Variants in GRM1 observed in about 807,000 individuals in gnomAD.
The protein encoded by GRM1 is metabotropic glutamate receptor 1.
GRM1 carries 33 observed loss-of-function variants against 90.9 expected under a neutral mutation model. That is an observed-to-expected ratio of 0.36 (90% CI 0.28 to 0.49). GRM1 has a LOEUF of 0.49. Among genes scored for constraint, GRM1 ranks in the 20% least tolerant of loss-of-function variants. The pLI is 0.99. For missense variants in GRM1, 1,190 were observed against 1,534.3 expected (o/e 0.78, Z 3.75); for synonymous variants, 700 against 613.2 (o/e 1.14, Z -2.09).
At chr6:146,140,129 CTTTCTTTCT>C (rs1583060179) in intron 1 of GRM1, among the ~76,000 whole-genome samples, 1 of 121,410 alleles carries the variant, frequency 8.2e-6, no homozygotes, top group African/African-American at 3.2e-5. Context: ...TTCTTTCTTT[CTTTCTTTCT>C]TTCCTTCCTT....
intron 2 of GRM1, among the ~76,000 whole-genome samples, chr6:146,267,941 C>T (rs574457932): frequency 6.6e-6 from 1 of 152,204 alleles, no homozygotes; most frequent in Admixed American, 6.5e-5. Context: ...TGAGTATTAA[C>T]CATCACAAGT....
At position 146,386,998 on chromosome 6, in the gene GRM1, C is replaced by T. The variant is rs1290033791; in HGVS notation, c.1711C>T (p.Pro571Ser). 1 of 1,612,926 alleles carries T rather than the reference C, an allele frequency of 6.2e-7. No individual in the cohort carries two copies. Among genetic ancestry groups the T allele is most frequent in the Non-Finnish European group, 8.5e-7 (1 of 1,179,224 alleles). ...TCKACDLGWWPNADLTGCEPI... is the reference protein window; with the variant it reads ...TCKACDLGWWSNADLTGCEPI... Reference sequence around the variant, plus strand: ...CAAAGCTTGTGACTTGGGATGGTGGCCCAATGCAGATCTAACAGGTAGGAA... The same window carrying T: ...CAAAGCTTGTGACTTGGGATGGTGGTCCAATGCAGATCTAACAGGTAGGAA... Residue 571 changes from proline (P) to serine (S), a missense_variant, in exon 6 of 8, where the codon CCC (proline) becomes TCC (serine). This residue lies in a region of GRM1 where 414 missense variants were observed against 598.4 expected (regional missense o/e 0.69). Transcript: ENST00000282753.
At chr6:146,113,438 G>T (rs1775634183) in intron 1 of GRM1, among the ~76,000 whole-genome samples, 1 of 152,122 alleles carries the variant, frequency 6.6e-6, no homozygotes, top group South Asian at 2.1e-4. Context: ...CACTAACAAG[G>T]CCTTATCTTA....
intron 2 of GRM1, among the ~76,000 whole-genome samples, chr6:146,188,453 C>A (rs2114572354): frequency 6.6e-6 from 1 of 152,282 alleles, no homozygotes; most frequent in African/African-American, 2.4e-5. Context: ...TTGCCACAGG[C>A]ATCCCCATTT....
At chr6:146,092,805 A>G (rs745459602) in intron 1 of GRM1, among the ~76,000 whole-genome samples, 6 of 152,210 alleles carry the variant, frequency 3.9e-5, no homozygotes, top group Non-Finnish European at 7.4e-5. Flanking sequence ...TTTTGAGGCA[A>G]TGTGACTCCC....
intron 2 of GRM1, among the ~76,000 whole-genome samples, chr6:146,231,390 G>T (rs1054722769): frequency 6.6e-6 from 1 of 152,096 alleles, no homozygotes; most frequent in African/African-American, 2.4e-5. Context: ...GCAATGCCAA[G>T]TCAAATTCCA....
chr6:146,226,715 T>G (rs1780253082), intron 2 of GRM1, among the ~76,000 whole-genome samples: 1 of 152,174 alleles, frequency 6.6e-6, no homozygotes, highest in Non-Finnish European at 1.5e-5. Flanking sequence ...GTTTGACCAA[T>G]TACTGCTCAT....
chr6:146,086,997 A>G (rs966712426), intron 1 of GRM1, among the ~76,000 whole-genome samples: 1 of 152,130 alleles, frequency 6.6e-6, no homozygotes, highest in African/African-American at 2.4e-5. Context: ...CATGTCAAAG[A>G]GACATGAAAA....
At chr6:146,412,091 T>A (rs1777590842) in intron 7 of GRM1, among the ~76,000 whole-genome samples, 1 of 152,196 alleles carries the variant, frequency 6.6e-6, no homozygotes, top group Non-Finnish European at 1.5e-5. Flanking sequence ...TCTGCCTCCC[T>A]GTGAACAAGC....
In GRM1 at chr6:146,094,052, A is replaced by C. The variant is rs377601259; in HGVS notation, c.700+63835A>C. ...TCTCTTTCGTTGATAGTGCTTATAAAAACAACCCCTAAGTATTTTCTGATA... is the reference window on the plus strand; with the variant it reads ...TCTCTTTCGTTGATAGTGCTTATAACAACAACCCCTAAGTATTTTCTGATA... On this transcript the variant is annotated intron_variant, in intron 1 of 7. Coordinates refer to ENST00000282753, the MANE Select transcript of GRM1 (RefSeq NM_001278064.2). Among the ~76,000 whole-genome samples, 3 of 152,212 alleles carry C rather than the reference A, an allele frequency of 2.0e-5. No homozygotes were observed. In the South Asian group the frequency reaches 6.2e-4, roughly 32 times the overall value.
intron 7 of GRM1, among the ~76,000 whole-genome samples, chr6:146,401,773 G>C (rs905858474): frequency 6.6e-6 from 1 of 152,164 alleles, no homozygotes; most frequent in Non-Finnish European, 1.5e-5. Flanking sequence ...TTGTGTTGGT[G>C]CCCAGGAATA....
intron 1 of GRM1, among the ~76,000 whole-genome samples, chr6:146,147,075 T>C (rs778436059): frequency 2.4e-4 from 37 of 152,222 alleles, no homozygotes; most frequent in Non-Finnish European, 4.6e-4. Flanking sequence ...AACTTCTGCT[T>C]AAATCTCATT....
chr6:146,164,118 A>G (rs1777829389), intron 2 of GRM1, among the ~76,000 whole-genome samples: 3 of 152,152 alleles, frequency 2.0e-5, no homozygotes. Flanking sequence ...ACTGAGAATA[A>G]TTTATGTGTA....
chr6:146,149,595 C>T (rs568940902), intron 1 of GRM1, among the ~76,000 whole-genome samples: 1 of 152,252 alleles, frequency 6.6e-6, no homozygotes, highest in South Asian at 2.1e-4. Flanking sequence ...AAAGAAAATA[C>T]TTTAGGGTTA....
At chr6:146,043,949 T>C (rs1213594868) in intron 1 of GRM1, among the ~76,000 whole-genome samples, 1 of 151,682 alleles carries the variant, frequency 6.6e-6, no homozygotes, top group Admixed American at 6.6e-5. Context: ...TTTAATACGC[T>C]AAAGATGAGA....
At chr6:146,071,214 G>T (rs1231435376) in intron 1 of GRM1, among the ~76,000 whole-genome samples, 1 of 152,104 alleles carries the variant, frequency 6.6e-6, no homozygotes, top group African/African-American at 2.4e-5. Flanking sequence ...TCTTTAAAAG[G>T]AAACCTTCTA....
intron 2 of GRM1, among the ~76,000 whole-genome samples, chr6:146,303,241 A>G (rs1783458652): frequency 1.3e-5 from 2 of 152,110 alleles, no homozygotes; most frequent in South Asian, 4.1e-4. Flanking sequence ...TCTCTGTGAG[A>G]AGCAAGCAAT....
At position 146,434,709 on chromosome 6, in the gene GRM1, G is replaced by A. The variant is rs1778539580; in HGVS notation, c.3498G>A (p.Val1166=). ...ASGSSVPSSP[V]SESVLCTPPN... is the part of the protein sequence containing the mutation. Reference sequence around the variant, plus strand: ...GCAGCTCGGTGCCCAGCTCCCCCGTGTCCGAGTCGGTGCTCTGCACCCCTC... The same window carrying A: ...GCAGCTCGGTGCCCAGCTCCCCCGTATCCGAGTCGGTGCTCTGCACCCCTC... The change falls in exon 8 of 8, where the codon GTG becomes GTA. Residue 1166 remains valine, a synonymous_variant. Coordinates refer to ENST00000282753, the MANE Select transcript of GRM1 (RefSeq NM_001278064.2). 1 of 1,602,444 alleles carries A rather than the reference G, an allele frequency of 6.2e-7. No individual in the cohort carries two copies. The highest frequency in any genetic ancestry group is 1.7e-5 in the Admixed American group (1 of 60,006).
chr6:146,278,249 A>T (rs1435911913), intron 2 of GRM1, among the ~76,000 whole-genome samples: 1 of 152,184 alleles, frequency 6.6e-6, no homozygotes, highest in Non-Finnish European at 1.5e-5. Context: ...TTTCAGCATA[A>T]TCAGGTGATA....
Sources: allele counts gnomAD v4.1 joint callset (sites outside exome capture counted in the v4.1 genomes callset), GRCh38; gene constraint gnomAD v4.1.1; regional missense constraint gnomAD v4.1.1; transcripts MANE v1.5; gene names NCBI Gene and HGNC (gene_info 2026-07-23, HGNC 2026-07-21).